RGMA: variants seen among roughly 807,000 people sequenced by gnomAD.
RGMA encodes the protein repulsive guidance molecule A.
In RGMA, 10 loss-of-function variants were observed where a neutral mutation model predicts 23.2. The observed-to-expected ratio is 0.43, with a 90% CI of 0.27 to 0.73. The LOEUF is 0.73. RGMA is among the 30% of genes least tolerant of loss of function. The pLI is 0.20. For synonymous variants in RGMA, 308 were observed against 279.3 expected (o/e 1.10, Z -1.03); for missense variants, 547 against 630.5 (o/e 0.87, Z 1.42).
intron 2 of RGMA, among the ~76,000 whole-genome samples, chr15:93,056,895 C>T (rs1025901034): frequency 6.6e-6 from 1 of 152,216 alleles, no homozygotes; most frequent in African/African-American, 2.4e-5. Flanking sequence ...GGGTCCCCCA[C>T]AAAGGCCACA....
At chr15:93,067,118 G>A (rs1895182660) in intron 2 of RGMA, among the ~76,000 whole-genome samples, 1 of 152,230 alleles carries the variant, frequency 6.6e-6, no homozygotes, top group African/African-American at 2.4e-5. Flanking sequence ...TATCTTGAAA[G>A]ATGTTTGTGA....
intron 1 of RGMA, among the ~76,000 whole-genome samples, chr15:93,074,928 G>A (rs1219065404): frequency 2.6e-5 from 4 of 152,162 alleles, no homozygotes; most frequent in Non-Finnish European, 4.4e-5. Flanking sequence ...AGGGATCACT[G>A]GCATTCCAAG....
chr15:93,066,275 A>C, intron 2 of RGMA: 1 of 1,075,422 alleles, frequency 9.3e-7, no homozygotes, highest in Middle Eastern at 2.0e-4. Flanking sequence ...GAACAAAGAC[A>C]TCTTCCTTGG....
At chr15:93,086,197 G>A (rs1299563857) in intron 1 of RGMA, among the ~76,000 whole-genome samples, 2 of 152,172 alleles carry the variant, frequency 1.3e-5, no homozygotes, top group African/African-American at 4.8e-5. Context: ...GAACACCACA[G>A]ACACTTAAAA....
chr15:93,055,097 G>A (rs553437267), intron 2 of RGMA, among the ~76,000 whole-genome samples: 7 of 152,014 alleles, frequency 4.6e-5, no homozygotes, highest in Admixed American at 1.3e-4. Context: ...CCAGGGGCCC[G>A]GTGTGCTGAC....
At chr15:93,066,958 G>C (rs4778093) in intron 2 of RGMA, among the ~76,000 whole-genome samples, 49,532 of 152,222 alleles carry the variant, frequency 0.33, 10,445 homozygotes, top group East Asian at 0.88. Flanking sequence ...TTCCTCATCA[G>C]TGAAATGGGA....
In RGMA at chr15:93,044,699, T is replaced by TG. The variant is rs2054785269; in HGVS notation, c.*298dup. On this transcript the variant is annotated 3_prime_UTR_variant, in exon 4 of 4. Coordinates refer to ENST00000329082, the MANE Select transcript of RGMA (RefSeq NM_020211.3). ...GTTCCCAGTGTGTCTCTGGTGGGGG[T>TG]GGGGGGCTTCAGCCTGAGGGGATGT... The TG allele has an allele frequency of 6.2e-6, 2 of 324,904 alleles. No homozygotes were observed. Among genetic ancestry groups the TG allele is most frequent in the South Asian group, 4.9e-5 (1 of 20,532 alleles). 20.1% of individuals were successfully genotyped at this position (324,904 alleles called of 1,614,324 possible). A position where few individuals can be genotyped will look rare whatever the true frequency, so the allele number is the denominator to read the frequency against.
At chr15:93,073,992 C>A (rs1895426581) in intron 1 of RGMA, 1 of 1,410,612 alleles carries the variant, frequency 7.1e-7, no homozygotes, top group Non-Finnish European at 9.2e-7. Context: ...GTATGGTGAC[C>A]TTTCCTAACT....
chr15:93,070,841 A>T (rs573298818), intron 2 of RGMA, among the ~76,000 whole-genome samples: 15 of 152,252 alleles, frequency 9.9e-5, no homozygotes, highest in Non-Finnish European at 2.1e-4. Flanking sequence ...TTGGAAACAA[A>T]AGTGATGGAA....
At chr15:93,087,144 C>G (rs1895647729) in intron 1 of RGMA, among the ~76,000 whole-genome samples, 1 of 152,224 alleles carries the variant, frequency 6.6e-6, no homozygotes, top group South Asian at 2.1e-4. Context: ...TCTTTCACTA[C>G]CAGCACAGCC....
intron 2 of RGMA, among the ~76,000 whole-genome samples, chr15:93,062,233 G>A (rs1003089603): frequency 1.3e-5 from 2 of 152,122 alleles, no homozygotes; most frequent in African/African-American, 4.8e-5. Flanking sequence ...TCTATGTGCC[G>A]GGCACTGTGA....
chr15:93,076,912 A>G (rs565352128), intron 1 of RGMA, among the ~76,000 whole-genome samples: 1 of 152,270 alleles, frequency 6.6e-6, no homozygotes, highest in South Asian at 2.1e-4. Flanking sequence ...ACTTTCAATA[A>G]AGCATAACAC....
chr15:93,050,933 G>A (rs1324175815), intron 3 of RGMA, among the ~76,000 whole-genome samples: 1 of 152,198 alleles, frequency 6.6e-6, no homozygotes, highest in African/African-American at 2.4e-5. Context: ...GAGGTGCAGG[G>A]GCCGTGGGGG....
rs914692599 is a variant in RGMA at position 93,035,794 on chromosome 15, G to T, written c.*9204C>A. 11 of 152,238 alleles carry T rather than the reference G, an allele frequency of 7.2e-5. 1 individual carries two copies. Among genetic ancestry groups the T allele is most frequent in the Admixed American group, 6.5e-4 (10 of 15,288 alleles). The allele number at this position is 152,238 out of a possible 1,614,324, so 9.4% of individuals were successfully genotyped here. A position where few individuals can be genotyped will look rare whatever the true frequency, so the allele number is the denominator to read the frequency against. ...ACCTCATGCAATGGCTTTCCCTGCGGTCTCCCAAGGGGCTTTGCGCCAGTA... is the reference window on the plus strand; with the variant it reads ...ACCTCATGCAATGGCTTTCCCTGCGTTCTCCCAAGGGGCTTTGCGCCAGTA... On this transcript the variant is annotated 3_prime_UTR_variant, in exon 4 of 4. Coordinates refer to ENST00000329082, the MANE Select transcript of RGMA (RefSeq NM_020211.3).
chr15:93,073,768 T>G, intron 1 of RGMA: 1 of 1,537,080 alleles, frequency 6.5e-7, no homozygotes, highest in Non-Finnish European at 8.7e-7. Context: ...CTGACTGGGT[T>G]TGGCCTGCCT....
chr15:93,049,226 A>G (rs1399617657), intron 3 of RGMA, among the ~76,000 whole-genome samples: 1 of 152,106 alleles, frequency 6.6e-6, no homozygotes, highest in Non-Finnish European at 1.5e-5. Flanking sequence ...GCTACTATCT[A>G]CGGAGCACCA....
chr15:93,075,091 A>G (rs1013072455), intron 1 of RGMA, among the ~76,000 whole-genome samples: 10 of 136,024 alleles, frequency 7.4e-5, no homozygotes, highest in African/African-American at 2.7e-4. Flanking sequence ...TTTTCACAGC[A>G]GGACTTTTTT....
chr15:93,058,185 A>G (rs1194210642), intron 2 of RGMA, among the ~76,000 whole-genome samples: 1 of 152,164 alleles, frequency 6.6e-6, no homozygotes, highest in Non-Finnish European at 1.5e-5. Context: ...CCACCCAGAG[A>G]GAACTGGAGA....
intron 3 of RGMA, among the ~76,000 whole-genome samples, chr15:93,048,296 C>T (rs557195132): frequency 1.3e-5 from 2 of 152,250 alleles, no homozygotes; most frequent in South Asian, 2.1e-4. Flanking sequence ...GCCAAGGCTT[C>T]TGAAGAAGGA....
Sources: allele counts gnomAD v4.1 joint callset (sites outside exome capture counted in the v4.1 genomes callset), GRCh38; gene constraint gnomAD v4.1.1; transcripts MANE v1.5; gene names NCBI Gene and HGNC (gene_info 2026-07-23, HGNC 2026-07-21).